The following RBKS variants were observed in gnomAD, a reference collection of about 807,000 sequenced individuals.
RBKS encodes ribokinase.
Under a neutral mutation model 33.9 loss-of-function variants are expected in RBKS, and 33 were observed. The ratio of observed to expected loss-of-function variants is 0.97; its 90% CI spans 0.74 to 1.30. The LOEUF (loss-of-function observed/expected upper bound fraction) is 1.30. Among genes scored for constraint, RBKS ranks in the 50% most tolerant of loss-of-function variants. The pLI is 0.00. For synonymous variants in RBKS, 125 were observed against 143.0 expected (o/e 0.87, Z 0.90); for missense variants, 361 against 392.6 (o/e 0.92, Z 0.68).
intron 2 of RBKS, among the ~76,000 whole-genome samples, chr2:27,849,960 T>C (rs943979669): frequency 6.6e-6 from 1 of 152,222 alleles, no homozygotes; most frequent in African/African-American, 2.4e-5. Flanking sequence ...TCCGTGGTGC[T>C]GCAATCACTG....
intron 7 of RBKS, among the ~76,000 whole-genome samples, chr2:27,784,249 C>T (rs1677356386): frequency 6.6e-6 from 1 of 151,744 alleles, no homozygotes; most frequent in African/African-American, 2.4e-5. Context: ...TCCCGAAGTG[C>T]TGGGATTACA....
chr2:27,866,304 T>A (rs1664097222), intron 1 of RBKS, among the ~76,000 whole-genome samples: 1 of 152,348 alleles, frequency 6.6e-6, no homozygotes, highest in African/African-American at 2.4e-5. Flanking sequence ...CTATATGTAA[T>A]GTGTACCTTT....
At chr2:27,816,717 C>G (rs1181580043) in intron 7 of RBKS, among the ~76,000 whole-genome samples, 1 of 152,026 alleles carries the variant, frequency 6.6e-6, no homozygotes, top group Non-Finnish European at 1.5e-5. Flanking sequence ...CCTGCCTCAG[C>G]CTCCCGAGTA....
At chr2:27,889,531 T>A (rs1558562127) in intron 1 of RBKS, among the ~76,000 whole-genome samples, 5 of 151,912 alleles carry the variant, frequency 3.3e-5, no homozygotes, top group Admixed American at 1.3e-4. Flanking sequence ...TACCTTAATT[T>A]AAAAAAAAGA....
At chr2:27,788,460 C>T (rs1194937358) in intron 7 of RBKS, among the ~76,000 whole-genome samples, 1 of 152,194 alleles carries the variant, frequency 6.6e-6, no homozygotes, top group Non-Finnish European at 1.5e-5. Context: ...AATCCCAGCA[C>T]TTTCGGAGGC....
At chr2:27,841,729 A>AACACACACACACACACAC (rs35205983) in intron 5 of RBKS, among the ~76,000 whole-genome samples, 4,454 of 142,178 alleles carry the variant, frequency 0.031, 83 homozygotes, top group East Asian at 0.047. Flanking sequence ...CACTTATATA[A>AACACACACACACACACAC]ACACACACAC....
chr2:27,865,081 G>A (rs1168720270), intron 1 of RBKS, among the ~76,000 whole-genome samples: 1 of 152,184 alleles, frequency 6.6e-6, no homozygotes, highest in Admixed American at 6.5e-5. Flanking sequence ...AGCACTTTGG[G>A]AGGCTGAGGT....
chr2:27,877,029 G>GT (rs1664327410), intron 1 of RBKS, among the ~76,000 whole-genome samples: 1 of 152,128 alleles, frequency 6.6e-6, no homozygotes, highest in Non-Finnish European at 1.5e-5. Context: ...CAATGTGTTA[G>GT]TACTTGAGAG....
intron 7 of RBKS, chr2:27,782,812 T>C (rs993820950): frequency 3.6e-6 from 1 of 277,298 alleles, no homozygotes; most frequent in Non-Finnish European, 7.8e-6. Flanking sequence ...GCATTACATG[T>C]ATTCCACTCT....
intron 7 of RBKS, among the ~76,000 whole-genome samples, chr2:27,804,578 G>A (rs1317886555): frequency 2.6e-5 from 4 of 152,158 alleles, no homozygotes; most frequent in Non-Finnish European, 5.9e-5. Flanking sequence ...ATTTTAGCTG[G>A]CACTTTGTGC....
chr2:27,882,239 C>T (rs1664432547), intron 1 of RBKS, among the ~76,000 whole-genome samples: 1 of 152,046 alleles, frequency 6.6e-6, no homozygotes, highest in Non-Finnish European at 1.5e-5. Context: ...AAAAACAACC[C>T]CATTAAAAAG....
chr2:27,852,542 C>T (rs1004811575), intron 2 of RBKS, among the ~76,000 whole-genome samples: 1 of 152,188 alleles, frequency 6.6e-6, no homozygotes, highest in Admixed American at 6.5e-5. Flanking sequence ...AGGAGGGCAA[C>T]TTCAGTCAGC....
intron 1 of RBKS, among the ~76,000 whole-genome samples, chr2:27,859,627 G>C (rs4578809): frequency 6.6e-6 from 1 of 151,954 alleles, no homozygotes; most frequent in Non-Finnish European, 1.5e-5. Flanking sequence ...CAGGTGGCAC[G>C]AACACTGGCT....
At chr2:27,883,217 T>G (rs1664454412) in intron 1 of RBKS, among the ~76,000 whole-genome samples, 1 of 148,408 alleles carries the variant, frequency 6.7e-6, no homozygotes, top group Non-Finnish European at 1.5e-5. Context: ...TTTTTTTTTT[T>G]GAGACGGAGT....
intron 7 of RBKS, among the ~76,000 whole-genome samples, chr2:27,807,727 T>G (rs1258254178): frequency 6.6e-6 from 1 of 152,102 alleles, no homozygotes; most frequent in East Asian, 1.9e-4. Context: ...AAACTCCAAC[T>G]CTTCATACCC....
intron 7 of RBKS, among the ~76,000 whole-genome samples, chr2:27,790,614 CA>C (rs1210694364): frequency 6.6e-6 from 1 of 152,070 alleles, no homozygotes; most frequent in East Asian, 1.9e-4. Context: ...GAGATTTGAA[CA>C]GAAGCTTCAT....
chr2:27,854,123 C>T (rs1369177429), intron 2 of RBKS, among the ~76,000 whole-genome samples: 2 of 152,132 alleles, frequency 1.3e-5, no homozygotes, highest in Non-Finnish European at 2.9e-5. Context: ...GTTTTCAATC[C>T]ATTGTGGACT....
intron 6 of RBKS, among the ~76,000 whole-genome samples, chr2:27,829,588 C>T (rs555033100): frequency 4.6e-5 from 7 of 151,800 alleles, no homozygotes; most frequent in Admixed American, 2.0e-4. Context: ...AGGATGGTCT[C>T]GATCTCCTGA....
intron 1 of RBKS, among the ~76,000 whole-genome samples, chr2:27,871,795 A>G (rs1045775741): frequency 6.6e-6 from 1 of 152,158 alleles, no homozygotes; most frequent in Non-Finnish European, 1.5e-5. Context: ...CCACTCACTG[A>G]TAGGGTTTTG....
Sources: allele counts gnomAD v4.1 joint callset (sites outside exome capture counted in the v4.1 genomes callset), GRCh38; gene constraint gnomAD v4.1.1; transcripts MANE v1.5; gene names NCBI Gene and HGNC (gene_info 2026-07-23, HGNC 2026-07-21).